TPRG1: variants seen among roughly 807,000 people sequenced by gnomAD.
TPRG1 encodes tumor protein p63-regulated gene 1 protein.
In TPRG1, 29 loss-of-function variants were observed where a neutral mutation model predicts 29.3. That is an observed-to-expected ratio of 0.99 (90% CI 0.74 to 1.35). The LOEUF (loss-of-function observed/expected upper bound fraction) is 1.35. Ranked by LOEUF, TPRG1 falls within the 40% of genes most tolerant of loss-of-function variation. The pLI is 0.00. For synonymous variants in TPRG1, 130 were observed against 116.8 expected (o/e 1.11, Z -0.73); for missense variants, 327 against 335.0 (o/e 0.98, Z 0.19).
chr3:189,051,587 A>G (rs1715322698), intron 4 of TPRG1, among the ~76,000 whole-genome samples: 2 of 152,166 alleles, frequency 1.3e-5, no homozygotes, highest in Admixed American at 1.3e-4. Context: ...AGAATTAGAA[A>G]AAAAAATTCT....
At chr3:189,228,973 C>T (rs913049180) in intron 3 of TPRG1, among the ~76,000 whole-genome samples, 7 of 151,928 alleles carry the variant, frequency 4.6e-5, no homozygotes, top group Admixed American at 1.3e-4. Flanking sequence ...TATATACTAG[C>T]AATAAAGAAG....
intron 4 of TPRG1, among the ~76,000 whole-genome samples, chr3:189,064,422 T>C (rs7639819): frequency 0.016 from 2,421 of 152,038 alleles, 74 homozygotes; most frequent in African/African-American, 0.056. Flanking sequence ...AACGCTTTCC[T>C]GTACACAAGA....
chr3:189,115,876 T>TA (rs955910953), intron 1 of TPRG1, among the ~76,000 whole-genome samples: 49 of 151,984 alleles, frequency 3.2e-4, no homozygotes, highest in Admixed American at 2.3e-3. Flanking sequence ...TACTAATAAT[T>TA]AAAAAAAATT....
chr3:189,267,433 A>G (rs1714302353), intron 4 of TPRG1, among the ~76,000 whole-genome samples: 1 of 152,256 alleles, frequency 6.6e-6, no homozygotes, highest in Non-Finnish European at 1.5e-5. Context: ...ACTAATTTTC[A>G]TATAAAGCAT....
intron 4 of TPRG1, among the ~76,000 whole-genome samples, chr3:189,057,795 GGTAT>G (rs1346292876): frequency 7.4e-6 from 1 of 134,894 alleles, no homozygotes; most frequent in Non-Finnish European, 1.6e-5. Flanking sequence ...TATATTTATG[GGTAT>G]GTATGTATAT....
chr3:189,103,124 A>G (rs1719397999), intron 1 of TPRG1, among the ~76,000 whole-genome samples: 1 of 152,202 alleles, frequency 6.6e-6, no homozygotes, highest in South Asian at 2.1e-4. Flanking sequence ...CCAAATACCT[A>G]GAGCCAGGGT....
chr3:189,022,508 GC>G (rs1560399542), intron 3 of TPRG1, among the ~76,000 whole-genome samples: 1 of 151,544 alleles, frequency 6.6e-6, no homozygotes, highest in Non-Finnish European at 1.5e-5. Context: ...GTGTCAGTGT[GC>G]CCCTGCTGGG....
rs1724318270 is a variant in TPRG1 at position 189,321,532 on chromosome 3, T to G, written c.*712T>G. Reference sequence around the variant, plus strand: ...GATGTCAAACTTGAAGCTCATTCTCTTATCAAAATTGTTCATGTATTCCTC... The same window carrying G: ...GATGTCAAACTTGAAGCTCATTCTCGTATCAAAATTGTTCATGTATTCCTC... On this transcript the variant is annotated 3_prime_UTR_variant, in exon 6 of 6. Coordinates refer to ENST00000345063, the MANE Select transcript of TPRG1 (RefSeq NM_198485.4). The G allele has an allele frequency of 6.6e-6, 1 of 152,084 alleles. No homozygotes were observed. The highest frequency in any genetic ancestry group is 1.5e-5 in the Non-Finnish European group (1 of 68,010). The allele number at this position is 152,084 out of a possible 1,614,324, so 9.4% of individuals were successfully genotyped here.
At chr3:189,125,022 C>A (rs1165389724) in intron 1 of TPRG1, among the ~76,000 whole-genome samples, 1 of 152,174 alleles carries the variant, frequency 6.6e-6, no homozygotes, top group East Asian at 1.9e-4. Flanking sequence ...AGTAGGTAAT[C>A]TTTTAGGTCT....
At chr3:189,003,467 C>T (rs1712131631) in intron 2 of TPRG1, among the ~76,000 whole-genome samples, 5 of 152,126 alleles carry the variant, frequency 3.3e-5, no homozygotes, top group Non-Finnish European at 7.4e-5. Context: ...CCTAGGATTC[C>T]AGTTCTGTTC....
At chr3:189,127,705 G>A (rs945698587) in intron 2 of TPRG1, among the ~76,000 whole-genome samples, 2 of 152,160 alleles carry the variant, frequency 1.3e-5, no homozygotes, top group African/African-American at 4.8e-5. Flanking sequence ...TACTTGATTT[G>A]GAGAATAAAG....
chr3:189,039,173 T>C (rs77023197), intron 4 of TPRG1, among the ~76,000 whole-genome samples: 2,861 of 152,294 alleles, frequency 0.019, 91 homozygotes, highest in African/African-American at 0.065. Flanking sequence ...CATTACAGTT[T>C]GGGTAGGGAG....
At chr3:189,177,506 A>G (rs1385339632) in intron 1 of TPRG1, among the ~76,000 whole-genome samples, 1 of 151,518 alleles carries the variant, frequency 6.6e-6, no homozygotes, top group East Asian at 1.9e-4. Flanking sequence ...CTGTTTATAT[A>G]TGCATATACT....
intron 3 of TPRG1, among the ~76,000 whole-genome samples, chr3:189,011,416 A>G (rs977046795): frequency 2.6e-5 from 4 of 152,140 alleles, no homozygotes; most frequent in African/African-American, 9.7e-5. Context: ...ATGCTGCTGA[A>G]AAGACATATT....
chr3:189,130,913 G>T (rs562521984), intron 2 of TPRG1, among the ~76,000 whole-genome samples: 1 of 152,166 alleles, frequency 6.6e-6, no homozygotes, highest in African/African-American at 2.4e-5. Flanking sequence ...AGGGCCATAT[G>T]TGATTTTTGC....
chr3:189,230,701 A>G (rs1403242679), intron 3 of TPRG1, among the ~76,000 whole-genome samples: 2 of 152,138 alleles, frequency 1.3e-5, no homozygotes, highest in African/African-American at 2.4e-5. Flanking sequence ...TGTAAGCGCC[A>G]GAGGAATAGG....
intron 4 of TPRG1, among the ~76,000 whole-genome samples, chr3:189,062,072 G>A (rs890731834): frequency 6.6e-6 from 1 of 152,160 alleles, no homozygotes. Context: ...TAAAGAAAAT[G>A]TGGTACCTAT....
chr3:189,175,759 G>C (rs558927558), intron 1 of TPRG1, among the ~76,000 whole-genome samples: 2 of 152,184 alleles, frequency 1.3e-5, no homozygotes, highest in African/African-American at 4.8e-5. Context: ...TTTAAAATAT[G>C]TTAAGCAACC....
chr3:189,262,255 T>TAAGTATAAGTA (rs1553933895), intron 4 of TPRG1, among the ~76,000 whole-genome samples: 3 of 151,504 alleles, frequency 2.0e-5, no homozygotes, highest in Non-Finnish European at 4.4e-5. Context: ...AGTATAAGTA[T>TAAGTATAAGTA]AAGACTTGGT....
Sources: gnomAD v4.1 joint callset for allele counts (sites outside exome capture counted in the v4.1 genomes callset) on GRCh38, gnomAD v4.1.1 for gene constraint, MANE v1.5 for transcripts, NCBI Gene and HGNC (gene_info 2026-07-23, HGNC 2026-07-21) for gene names.